Variants in DENND5A observed in about 807,000 individuals in gnomAD.
DENND5A encodes DENN domain-containing protein 5A.
In DENND5A, 64 loss-of-function variants were observed where a neutral mutation model predicts 140.3. The observed-to-expected ratio is 0.46, with a 90% confidence interval of 0.37 to 0.56. The LOEUF (loss-of-function observed/expected upper bound fraction) is 0.56, where lower values mean the gene tolerates loss of function less well. Ranked by LOEUF, DENND5A falls within the 20% of genes least tolerant of loss-of-function variation. The pLI is 0.00. For synonymous variants in DENND5A, 605 were observed against 607.7 expected (o/e 1.00, Z 0.07); for missense variants, 1,292 against 1,593.8 (o/e 0.81, Z 3.22).
chr11:9,178,346 C>A lies in DENND5A; in HGVS notation c.1692G>T (p.Gln564His). Reference protein sequence around the residue: ...NFDKASFLSDQPEPYLPFLSR... With the variant: ...NFDKASFLSDHPEPYLPFLSR... ...AGAGGAAGGGCAGGTAGGGCTCAGG[C>A]TGATCTGACAGAAAAGATGCCTGGT... Residue 564 changes from glutamine (Q) to histidine (H), a missense_variant, in exon 8 of 23, where the codon CAG (glutamine) becomes CAT (histidine). Physicochemically the swap from Gln to His is conservative, Grantham distance 24. This residue lies in a region of DENND5A where 29 missense variants were observed against 64.7 expected (regional missense o/e 0.45). Transcript: ENST00000328194. 1 of 1,613,334 alleles carries A rather than the reference C, an allele frequency of 6.2e-7. No homozygotes were observed. The highest frequency in any genetic ancestry group is 1.1e-5 in the South Asian group (1 of 91,044).
chr11:9,178,814 C>A (rs1406579090), intron 7 of DENND5A, 44 bp downstream of exon 7: 1 of 1,492,322 alleles, frequency 6.7e-7, no homozygotes, highest in Admixed American at 1.7e-5. Flanking sequence ...ACATAACTGG[C>A]AAGTTCTCAT....
At chr11:9,249,262 A>G (rs1851612882) in intron 1 of DENND5A, among the ~76,000 whole-genome samples, 1 of 151,986 alleles carries the variant, frequency 6.6e-6, no homozygotes, top group Non-Finnish European at 1.5e-5. Flanking sequence ...GTCCTCTGAC[A>G]CTCCTGGAAA....
rs1228192909 is a variant in DENND5A, at chr11:9,139,985, C to G, written c.3681-131G>C. The G allele has an allele frequency of 4.0e-5, 42 of 1,038,232 alleles. No individual in the cohort carries two copies. The Middle Eastern group carries it at 1.2e-3, about 29-fold the overall frequency. The allele number at this position is 1,038,232 out of a possible 1,614,324, so 64.3% of individuals were successfully genotyped here. A position where few individuals can be genotyped will look rare whatever the true frequency, so the allele number is the denominator to read the frequency against. On this transcript the variant is annotated intron_variant, in intron 22 of 22. Coordinates refer to ENST00000328194, the MANE Select transcript of DENND5A (RefSeq NM_015213.4). ...GAGAAGCTGACAGCCCCCCACACCCCCCTTTCCCAAACAGGGACTGGCAAA... is the reference window on the plus strand; with the variant it reads ...GAGAAGCTGACAGCCCCCCACACCCGCCTTTCCCAAACAGGGACTGGCAAA...
chr11:9,238,141 C>T lies in DENND5A; in HGVS notation c.109+26820G>A, dbSNP rs560170557. ...TGGGTTTTTTGAGTGGGTCTCTGCT[C>T]CTTATAATTAACTCTTAACTAAGAT... On this transcript the variant is annotated intron_variant, in intron 1 of 22. Coordinates refer to ENST00000328194, the MANE Select transcript of DENND5A (RefSeq NM_015213.4). Among the ~76,000 whole-genome samples, 12 of 152,096 alleles carry T rather than the reference C, an allele frequency of 7.9e-5. No homozygotes were observed. The East Asian group carries it at 2.3e-3, about 29-fold the overall frequency.
At chr11:9,152,547 C>A in intron 12 of DENND5A, 105 bp from the exon 13 acceptor site, 1 of 801,940 alleles carries the variant, frequency 1.2e-6, no homozygotes, top group Admixed American at 1.9e-5. Flanking sequence ...TGTACTGTTT[C>A]TTGTTTCAAT....
chr11:9,244,957 G>A (rs1394803458), intron 1 of DENND5A, among the ~76,000 whole-genome samples: 1 of 151,528 alleles, frequency 6.6e-6, no homozygotes, highest in African/African-American at 2.4e-5. Flanking sequence ...GATTACAGGC[G>A]TGAGCCACCG....
intron 10 of DENND5A, among the ~76,000 whole-genome samples, chr11:9,168,993 T>C (rs1207435511): frequency 6.6e-6 from 1 of 151,998 alleles, no homozygotes; most frequent in East Asian, 1.9e-4. Flanking sequence ...TTACAAGCAA[T>C]GAAGATTCAG....
intron 15 of DENND5A, among the ~76,000 whole-genome samples, chr11:9,149,792 T>C (rs1847551704): frequency 6.6e-6 from 1 of 152,190 alleles, no homozygotes; most frequent in Admixed American, 6.5e-5. Flanking sequence ...GAGGTATACA[T>C]GTCACCTGAA....
intron 10 of DENND5A, among the ~76,000 whole-genome samples, chr11:9,167,672 G>A (rs897312673): frequency 6.6e-6 from 1 of 152,094 alleles, no homozygotes; most frequent in East Asian, 1.9e-4. Context: ...GAATGGTGGC[G>A]TGTGCCTGTG....
Position 9,142,059 on chromosome 11 carries a change from A to G in DENND5A, c.3561T>C (p.Pro1187=), listed in dbSNP as rs1252366729. 6.2e-7 allele frequency: 1 copy of G among 1,605,168 alleles called. No homozygotes were observed. Among genetic ancestry groups the G allele is most frequent in the Non-Finnish European group, 8.5e-7 (1 of 1,175,804 alleles). The change falls in exon 22 of 23, where the codon CCT becomes CCC. Residue 1187 remains proline (P), a synonymous_variant. Transcript: ENST00000328194. ...GGGCTCTTGTATGCCAGTTTTCCTC[A>G]GGGACTACTTCATTCTTCTCTAATG... ...YETLEKNEVV[P]EENWHTRARN...
intron 15 of DENND5A, among the ~76,000 whole-genome samples, chr11:9,149,694 A>G (rs1847547990): frequency 6.6e-6 from 1 of 152,100 alleles, no homozygotes; most frequent in South Asian, 2.1e-4. Context: ...CAAGAGAGAG[A>G]AGAGGACATC....
intron 8 of DENND5A, among the ~76,000 whole-genome samples, chr11:9,173,972 G>A (rs1848459608): frequency 6.6e-6 from 1 of 151,578 alleles, no homozygotes; most frequent in Non-Finnish European, 1.5e-5. Context: ...GCGCAGTGGC[G>A]AGCGCCTGTA....
At chr11:9,155,996 C>A (rs543005089) in intron 12 of DENND5A, among the ~76,000 whole-genome samples, 2 of 152,202 alleles carry the variant, frequency 1.3e-5, no homozygotes, top group South Asian at 2.1e-4. Flanking sequence ...AAGGTACCCC[C>A]ACAAGGGCAT....
rs181747182 is a variant in DENND5A at position 9,169,140 on chromosome 11, C to G, written c.2151+716G>C. On this transcript the variant is annotated intron_variant, in intron 10 of 22. Coordinates refer to ENST00000328194, the MANE Select transcript of DENND5A (RefSeq NM_015213.4). ...AAGGTAAGAAACAGTAGGAAAAAAA[C>G]TCTAACAAAATTAACTTCTTTCTGG... Among the ~76,000 whole-genome samples, 37 of 152,162 alleles carry G rather than the reference C, an allele frequency of 2.4e-4. 1 individual carries two copies. The highest frequency in any genetic ancestry group is 6.8e-3 in the Middle Eastern group (2 of 294).
At chr11:9,247,660 T>C (rs905225632) in intron 1 of DENND5A, among the ~76,000 whole-genome samples, 1 of 152,182 alleles carries the variant, frequency 6.6e-6, no homozygotes, top group African/African-American at 2.4e-5. Context: ...TTCTTGTGCC[T>C]GAGATGCTCA....
chr11:9,245,693 GC>G lies in DENND5A; in HGVS notation c.109+19267del, dbSNP rs1167621503. ...CTGTCCCCTAGGCTGGAGTGCAGTGGCACGATCTTGGCTCACTGCAACCTCC... is the reference window on the plus strand; with the variant it reads ...CTGTCCCCTAGGCTGGAGTGCAGTGGACGATCTTGGCTCACTGCAACCTCC... On this transcript the variant is annotated intron_variant, in intron 1 of 22. Transcript: ENST00000328194. Among the ~76,000 whole-genome samples, 4 of 151,290 alleles carry G rather than the reference GC, an allele frequency of 2.6e-5. No homozygotes were observed. The East Asian group carries it at 7.9e-4, about 30-fold the overall frequency.
At chr11:9,191,747 C>T (rs1036631031) in intron 5 of DENND5A, among the ~76,000 whole-genome samples, 2 of 152,222 alleles carry the variant, frequency 1.3e-5, no homozygotes, top group African/African-American at 4.8e-5. Flanking sequence ...TGGCTTCTTG[C>T]TTAGTGGCCT....
At chr11:9,246,547 G>A (rs941659155) in intron 1 of DENND5A, among the ~76,000 whole-genome samples, 3 of 150,676 alleles carry the variant, frequency 2.0e-5, no homozygotes, top group African/African-American at 4.9e-5. Context: ...AGGGGGTGGA[G>A]GTTACAGTAA....
intron 15 of DENND5A, among the ~76,000 whole-genome samples, chr11:9,147,921 C>T (rs962840690): frequency 5.3e-5 from 8 of 152,218 alleles, no homozygotes; most frequent in African/African-American, 1.7e-4. Context: ...GTTGTCCAAG[C>T]TGCAATCACC....
Sources: allele counts gnomAD v4.1 joint callset (sites outside exome capture counted in the v4.1 genomes callset), GRCh38; gene constraint gnomAD v4.1.1; regional missense constraint gnomAD v4.1.1; transcripts MANE v1.5; gene names NCBI Gene and HGNC (gene_info 2026-07-23, HGNC 2026-07-21).